The following THSD7A variants were observed in gnomAD, a reference collection of about 807,000 sequenced individuals.
THSD7A encodes thrombospondin type 1 domain containing 7A.
A neutral mutation model predicts 231.3 loss-of-function variants in THSD7A; 96 were observed. That is an observed-to-expected ratio of 0.41 (90% CI 0.35 to 0.49). The LOEUF (loss-of-function observed/expected upper bound fraction) is 0.49, where lower values mean the gene tolerates loss of function less well. Among genes scored for constraint, THSD7A ranks in the 20% least tolerant of loss-of-function variants. The pLI is 0.05. For synonymous variants in THSD7A, 940 were observed against 743.3 expected, an observed-to-expected ratio of 1.26 and a Z score of -4.30; for missense variants, 2,290 against 2,070.2, an observed-to-expected ratio of 1.11 and a Z score of -2.06.
At chr7:11,781,731 G>T (rs898376252) in intron 1 of THSD7A, among the ~76,000 whole-genome samples, 1 of 152,044 alleles carries the variant, frequency 6.6e-6, no homozygotes, top group African/African-American at 2.4e-5. Context: ...TTAGTATTTG[G>T]CTTTATATTG....
At chr7:11,821,400 C>CT (rs35163025) in intron 1 of THSD7A, 160,870 of 293,406 alleles carry the variant, frequency 0.55, 45,932 homozygotes, top group South Asian at 0.65. Context: ...TTTAAAAGCC[C>CT]TTTTTTTTTC....
intron 1 of THSD7A, among the ~76,000 whole-genome samples, chr7:11,803,347 A>G (rs1784325086): frequency 6.6e-6 from 1 of 152,208 alleles, no homozygotes; most frequent in South Asian, 2.1e-4. Flanking sequence ...TGATGTATCA[A>G]GTAATAGACC....
At chr7:11,598,285 C>G (rs1335273836) in intron 2 of THSD7A, among the ~76,000 whole-genome samples, 1 of 152,204 alleles carries the variant, frequency 6.6e-6, no homozygotes, top group Non-Finnish European at 1.5e-5. Flanking sequence ...ATGAAACTCT[C>G]TGAGTGGTCA....
intron 1 of THSD7A, among the ~76,000 whole-genome samples, chr7:11,656,210 G>C (rs1312610306): frequency 6.6e-6 from 1 of 151,826 alleles, no homozygotes; most frequent in Non-Finnish European, 1.5e-5. Flanking sequence ...ATGTTATTAA[G>C]GAATTAAGAG....
At chr7:11,477,388 T>C (rs1488003053) in intron 7 of THSD7A, among the ~76,000 whole-genome samples, 1 of 152,206 alleles carries the variant, frequency 6.6e-6, no homozygotes, top group East Asian at 1.9e-4. Context: ...CATTATATCA[T>C]ACTGAGGACA....
Position 11,379,259 on chromosome 7 carries a change from C to G in THSD7A, c.4612G>C (p.Glu1538Gln). 1 of 1,613,586 alleles carries G rather than the reference C, an allele frequency of 6.2e-7. No homozygotes were observed. The highest frequency in any genetic ancestry group is 2.2e-5 in the East Asian group (1 of 44,876). The change falls in exon 26 of 28, where the codon GAA becomes CAA. Residue 1538 changes from glutamate to glutamine, a missense_variant. By Grantham distance (29) the Glu-to-Gln change is conservative (BLOSUM62 2). Transcript: ENST00000423059. ...CSETKTCHCE[E>Q]GYTEVMSSNS... is the part of the protein sequence containing the mutation. The stretch of plus-strand genomic sequence containing the variant: ...GAAGACATGACTTCAGTGTACCCTT[C>G]TTCACAATGGCATGTTTTTGTCTGC...
At position 11,481,821 on chromosome 7, in the gene THSD7A, C is replaced by T. The variant is rs755497391; in HGVS notation, c.1984G>A (p.Ala662Thr). Residue 662 changes from alanine to threonine, a missense_variant, in exon 7 of 28, where the codon GCA becomes ACA. By Grantham distance (58) the Ala-to-Thr change is moderately conservative. Transcript: ENST00000423059. ...GKTTEGKQIR[A>T]RSILAYAGEE... ...CCCGCATAGGCCAGAATGGATCGTGCTCGTATCTGTTTCCCTTCTGTCGTT... is the reference window on the plus strand; with the variant it reads ...CCCGCATAGGCCAGAATGGATCGTGTTCGTATCTGTTTCCCTTCTGTCGTT... 3 of 1,613,402 alleles carry T rather than the reference C, an allele frequency of 1.9e-6. No individual in the cohort carries two copies. Among genetic ancestry groups the T allele is most frequent in the East Asian group, 4.5e-5 (2 of 44,862 alleles).
intron 6 of THSD7A, among the ~76,000 whole-genome samples, chr7:11,485,557 C>G (rs1724460882): frequency 6.6e-6 from 1 of 152,006 alleles, no homozygotes; most frequent in South Asian, 2.1e-4. Context: ...CTATTTTTTA[C>G]TTTAAAAGAA....
chr7:11,404,700 A>AAAGGT, intron 22 of THSD7A, among the ~76,000 whole-genome samples: 1 of 152,078 alleles, frequency 6.6e-6, no homozygotes, highest in Non-Finnish European at 1.5e-5. Context: ...GTTGGCAGCA[A>AAAGGT]CACTTTGCCT....
rs547137030 is a variant in THSD7A, at chr7:11,379,166, C to T, written c.4705G>A (p.Gly1569Arg). The T allele has an allele frequency of 2.5e-6, 4 of 1,613,704 alleles. No homozygotes were observed. The highest frequency in any genetic ancestry group is 3.4e-6 in the Non-Finnish European group (4 of 1,179,728). Residue 1569 changes from glycine to arginine, a missense_variant, in exon 26 of 28, where the codon GGA becomes AGA. Physicochemically the swap from Gly to Arg is moderately radical, Grantham distance 125. Coordinates refer to ENST00000423059, the MANE Select transcript of THSD7A (RefSeq NM_015204.3). Reference protein sequence around the residue: ...VVLPTMEDKRGDVKTSRAVHP... With the variant: ...VVLPTMEDKRRDVKTSRAVHP... The stretch of plus-strand genomic sequence containing the variant: ...ACAGCCCGACTGGTTTTCACATCTC[C>T]TCTTTTGTCCTCCATGGTGGGTAAT...
chr7:11,802,666 T>A (rs949223558), intron 1 of THSD7A, among the ~76,000 whole-genome samples: 5 of 152,186 alleles, frequency 3.3e-5, no homozygotes, highest in Non-Finnish European at 7.4e-5. Context: ...ATTTTTATGA[T>A]TAAAGTGAGG....
chr7:11,586,852 T>C (rs1316563888), intron 4 of THSD7A, among the ~76,000 whole-genome samples: 1 of 152,140 alleles, frequency 6.6e-6, no homozygotes, highest in Non-Finnish European at 1.5e-5. Context: ...CAATCCTTTC[T>C]GTTGCTATAT....
intron 1 of THSD7A, among the ~76,000 whole-genome samples, chr7:11,804,947 G>A (rs960936727): frequency 1.3e-5 from 2 of 152,000 alleles, no homozygotes; most frequent in African/African-American, 2.4e-5. Flanking sequence ...ATTTTTCCTC[G>A]TTCATCATTC....
chr7:11,782,979 A>G (rs1783680279), intron 1 of THSD7A, among the ~76,000 whole-genome samples: 1 of 152,096 alleles, frequency 6.6e-6, no homozygotes, highest in Non-Finnish European at 1.5e-5. Context: ...GAAGAAGCAG[A>G]CTCTGCTACA....
At chr7:11,403,076 A>C (rs1345731251) in intron 22 of THSD7A, among the ~76,000 whole-genome samples, 1 of 152,210 alleles carries the variant, frequency 6.6e-6, no homozygotes, top group Non-Finnish European at 1.5e-5. Context: ...TAACCCATCC[A>C]TTCTTCAGAG....
intron 1 of THSD7A, among the ~76,000 whole-genome samples, chr7:11,653,448 ATGTG>A (rs60933989): frequency 0.024 from 3,031 of 127,056 alleles, 48 homozygotes; most frequent in African/African-American, 0.046. Context: ...ACTCCCAGAT[ATGTG>A]TGTGTGTGTG....
intron 4 of THSD7A, among the ~76,000 whole-genome samples, chr7:11,547,836 C>G (rs1789462052): frequency 6.6e-6 from 1 of 152,090 alleles, no homozygotes; most frequent in African/African-American, 2.4e-5. Flanking sequence ...ATACAACATA[C>G]CAGACTTTCT....
intron 18 of THSD7A, among the ~76,000 whole-genome samples, 165 bp downstream of exon 18, chr7:11,412,491 C>T (rs1167878811): frequency 1.3e-5 from 2 of 151,542 alleles, no homozygotes; most frequent in East Asian, 3.9e-4. Flanking sequence ...AAAAAAAAAA[C>T]CCAGATAAGT....
intron 1 of THSD7A, among the ~76,000 whole-genome samples, chr7:11,815,990 T>C (rs777023738): frequency 9.2e-5 from 14 of 152,130 alleles, no homozygotes; most frequent in Non-Finnish European, 1.9e-4. Flanking sequence ...CTCTATAGCC[T>C]TTCTCCATTG....
Sources: allele counts gnomAD v4.1 joint callset (sites outside exome capture counted in the v4.1 genomes callset), GRCh38; gene constraint gnomAD v4.1.1; transcripts MANE v1.5; gene names NCBI Gene and HGNC (gene_info 2026-07-23, HGNC 2026-07-21).